Variants in LRRTM4 observed in about 807,000 individuals in gnomAD.
LRRTM4 encodes leucine-rich repeat transmembrane neuronal protein 4.
A neutral mutation model predicts 47.6 loss-of-function variants in LRRTM4; 25 were observed. The ratio of observed to expected loss-of-function variants is 0.53; its 90% CI spans 0.38 to 0.73. The LOEUF (loss-of-function observed/expected upper bound fraction) is 0.73. Among genes scored for constraint, LRRTM4 ranks in the 30% least tolerant of loss-of-function variants. LRRTM4 has a pLI of 0.00. For missense variants in LRRTM4, 638 were observed against 713.4 expected, an observed-to-expected ratio of 0.89 and a Z score of 1.20; for synonymous variants, 311 against 269.5, an observed-to-expected ratio of 1.15 and a Z score of -1.51.
At position 77,519,135 on chromosome 2, in the gene LRRTM4, C is replaced by T. The variant is rs772746929; in HGVS notation, c.734G>A (p.Ser245Asn). 4 of 1,613,070 alleles carry T rather than the reference C, an allele frequency of 2.5e-6. No homozygotes were observed. In the Admixed American group the frequency reaches 6.7e-5, roughly 27 times the overall value. Residue 245 changes from serine to asparagine, a missense_variant, in exon 3 of 4, where the codon AGC becomes AAC. By Grantham distance (46) the Ser-to-Asn change is conservative. Transcript: ENST00000409884. This position sits in a 1 kb window ranked among gnomAD's most constrained non-coding sequence, Gnocchi z 4.6. Reference sequence around the variant, plus strand: ...ACTCCAAGTCCATGTCAAACCTTGGCTAATGGAGCGAATCCTGTTCCATTG... The same window carrying T: ...ACTCCAAGTCCATGTCAAACCTTGGTTAATGGAGCGAATCCTGTTCCATTG... Reference protein sequence around the residue: ...YLQWNRIRSISQGLTWTWSSL... With the variant: ...YLQWNRIRSINQGLTWTWSSL...
intron 3 of LRRTM4, among the ~76,000 whole-genome samples, chr2:77,442,221 G>T (rs72921944): frequency 0.048 from 7,312 of 152,046 alleles, 546 homozygotes; most frequent in African/African-American, 0.16. Flanking sequence ...CTTTTGTCAA[G>T]GTACACATCA....
intron 3 of LRRTM4, among the ~76,000 whole-genome samples, chr2:77,245,215 T>TA (rs1675399398): frequency 1.3e-5 from 2 of 151,200 alleles, no homozygotes; most frequent in Admixed American, 1.3e-4. Context: ...AATAATACTT[T>TA]AAATGTACAA....
intron 3 of LRRTM4, among the ~76,000 whole-genome samples, chr2:77,201,378 A>C: frequency 6.6e-6 from 1 of 152,098 alleles, no homozygotes; most frequent in East Asian, 1.9e-4. Flanking sequence ...TCCATATGCT[A>C]ACTTTGGTTA....
At chr2:77,318,019 T>G (rs1323803260) in intron 3 of LRRTM4, among the ~76,000 whole-genome samples, 3 of 147,378 alleles carry the variant, frequency 2.0e-5, no homozygotes, top group African/African-American at 5.0e-5. Context: ...TTTTTTTTTT[T>G]TTTTTTAGAC....
intron 3 of LRRTM4, among the ~76,000 whole-genome samples, chr2:76,930,298 C>T (rs1418296289): frequency 6.6e-6 from 1 of 152,136 alleles, no homozygotes; most frequent in African/African-American, 2.4e-5. Context: ...TGAGCATTAG[C>T]TAAGTCTCAT....
At chr2:77,180,261 T>C (rs1265972542) in intron 3 of LRRTM4, among the ~76,000 whole-genome samples, 1 of 152,196 alleles carries the variant, frequency 6.6e-6, no homozygotes, top group Non-Finnish European at 1.5e-5. Context: ...TACAGTTTTC[T>C]TGTAAGACAG....
At chr2:77,011,870 T>G (rs371560749) in intron 3 of LRRTM4, among the ~76,000 whole-genome samples, 55 of 152,148 alleles carry the variant, frequency 3.6e-4, no homozygotes, top group African/African-American at 1.3e-3. Flanking sequence ...TGGGGAGATT[T>G]TTATCGCTCT....
At chr2:76,891,995 TTAAAAA>T (rs1673270458) in intron 3 of LRRTM4, among the ~76,000 whole-genome samples, 1 of 149,684 alleles carries the variant, frequency 6.7e-6, no homozygotes, top group Non-Finnish European at 1.5e-5. Context: ...GATTAGCAAA[TTAAAAA>T]TAAAAAAATT....
At chr2:76,969,580 T>C (rs1262944894) in intron 3 of LRRTM4, among the ~76,000 whole-genome samples, 13 of 151,908 alleles carry the variant, frequency 8.6e-5, no homozygotes, top group Admixed American at 8.6e-4. Flanking sequence ...ATCAATCTAA[T>C]GCATGCTGAA....
At chr2:76,829,040 G>T (rs998337085) in intron 3 of LRRTM4, among the ~76,000 whole-genome samples, 2 of 152,010 alleles carry the variant, frequency 1.3e-5, no homozygotes, top group South Asian at 2.1e-4. Context: ...GTGACCAGGG[G>T]TATGGAACCA....
intron 3 of LRRTM4, among the ~76,000 whole-genome samples, chr2:77,168,185 A>G (rs1374748446): frequency 2.6e-5 from 4 of 152,140 alleles, no homozygotes; most frequent in Admixed American, 6.6e-5. Flanking sequence ...AATTTATAAA[A>G]AGATTTCATG....
At chr2:77,271,735 T>C (rs926711496) in intron 3 of LRRTM4, among the ~76,000 whole-genome samples, 1 of 152,220 alleles carries the variant, frequency 6.6e-6, no homozygotes, top group Non-Finnish European at 1.5e-5. Context: ...ATTATGTCCA[T>C]CCTTCCTGTT....
chr2:77,077,428 A>C (rs1680374451), intron 3 of LRRTM4, among the ~76,000 whole-genome samples: 1 of 152,142 alleles, frequency 6.6e-6, no homozygotes, highest in Non-Finnish European at 1.5e-5. Flanking sequence ...AGATATTTTC[A>C]AGTTCTTCCA....
At chr2:76,963,012 T>C (rs2103917503) in intron 3 of LRRTM4, among the ~76,000 whole-genome samples, 1 of 151,024 alleles carries the variant, frequency 6.6e-6, no homozygotes, top group East Asian at 2.0e-4. Flanking sequence ...AAGGTAGAAC[T>C]CTGACAATAT....
chr2:77,050,750 C>T (rs1679403366), intron 3 of LRRTM4, among the ~76,000 whole-genome samples: 1 of 152,140 alleles, frequency 6.6e-6, no homozygotes, highest in African/African-American at 2.4e-5. Flanking sequence ...CTCCAAACCA[C>T]TCTTTCTACT....
At chr2:77,352,083 T>C (rs565881295) in intron 3 of LRRTM4, among the ~76,000 whole-genome samples, 1 of 152,274 alleles carries the variant, frequency 6.6e-6, no homozygotes, top group East Asian at 1.9e-4. Context: ...ATCATGAGCA[T>C]CAATTGGCAA....
At chr2:76,790,093 T>C (rs62172105) in intron 3 of LRRTM4, among the ~76,000 whole-genome samples, 39,598 of 152,122 alleles carry the variant, frequency 0.26, 5,831 homozygotes, top group Non-Finnish European at 0.33. Flanking sequence ...CTGAGATCTT[T>C]CCTAGCATCA....
chr2:77,005,497 G>C (rs62170209), intron 3 of LRRTM4, among the ~76,000 whole-genome samples: 5 of 152,026 alleles, frequency 3.3e-5, no homozygotes, highest in Non-Finnish European at 5.9e-5. Context: ...GGGGTGCAAT[G>C]ATACGGTTTG....
chr2:76,896,830 C>T (rs1233319224), intron 3 of LRRTM4, among the ~76,000 whole-genome samples: 1 of 147,566 alleles, frequency 6.8e-6, no homozygotes, highest in East Asian at 2.0e-4. Context: ...ACCAGGAACA[C>T]ATTGTTTGGC....
Sources: gnomAD v4.1 joint callset for allele counts (sites outside exome capture counted in the v4.1 genomes callset) on GRCh38, gnomAD v4.1.1 for gene constraint, Gnocchi (gnomAD v3.1) non-coding constraint, MANE v1.5 for transcripts, NCBI Gene and HGNC (gene_info 2026-07-23, HGNC 2026-07-21) for gene names.